The following KDM4C variants were observed in gnomAD, a reference collection of about 807,000 sequenced individuals.
The protein encoded by KDM4C is lysine demethylase 4C, also known as lysine-specific demethylase 4C.
KDM4C carries 81 observed loss-of-function variants against 129.3 expected under a neutral mutation model. The observed-to-expected ratio is 0.63, with a 90% CI of 0.52 to 0.75. KDM4C has a LOEUF of 0.75. Ranked by LOEUF, KDM4C falls within the 30% of genes least tolerant of loss-of-function variation. The probability of loss-of-function intolerance (pLI) is 0.00; values close to 1 mark genes in which losing one functional copy is unlikely to be tolerated. For missense variants in KDM4C, 1,457 were observed against 1,304.0 expected (o/e 1.12, Z -1.81); for synonymous variants, 573 against 456.1 (o/e 1.26, Z -3.26).
chr9:6,822,677 T>C (rs1409558040), intron 4 of KDM4C, among the ~76,000 whole-genome samples: 1 of 152,236 alleles, frequency 6.6e-6, no homozygotes, highest in African/African-American at 2.4e-5. Flanking sequence ...ATTAAAATAC[T>C]CAGCCTTCTG....
intron 18 of KDM4C, among the ~76,000 whole-genome samples, chr9:7,125,120 C>A (rs959977304): frequency 2.0e-5 from 3 of 152,124 alleles, no homozygotes; most frequent in African/African-American, 4.8e-5. Context: ...TCTCCCCCAC[C>A]CCCAGTGCCC....
intron 17 of KDM4C, among the ~76,000 whole-genome samples, chr9:7,058,744 A>G (rs1057144553): frequency 1.3e-5 from 2 of 152,242 alleles, no homozygotes; most frequent in African/African-American, 4.8e-5. Context: ...GTGTGATACG[A>G]TAGGAAATAC....
chr9:6,815,780 C>G (rs1831972803), intron 4 of KDM4C, among the ~76,000 whole-genome samples: 1 of 152,158 alleles, frequency 6.6e-6, no homozygotes, highest in Non-Finnish European at 1.5e-5. Flanking sequence ...GGGGAAAAAT[C>G]TGACATCTGA....
At chr9:6,844,968 G>T (rs10975849) in intron 4 of KDM4C, among the ~76,000 whole-genome samples, 1 of 152,274 alleles carries the variant, frequency 6.6e-6, no homozygotes, top group African/African-American at 2.4e-5. Flanking sequence ...GATTACAGGC[G>T]TGTGCCACTG....
At chr9:6,969,053 G>T (rs914417521) in intron 8 of KDM4C, among the ~76,000 whole-genome samples, 9 of 151,770 alleles carry the variant, frequency 5.9e-5, no homozygotes, top group Non-Finnish European at 1.3e-4. Context: ...CTTGTGCCTC[G>T]GCTTTCTGAG....
At chr9:6,922,113 C>A (rs1023149877) in intron 8 of KDM4C, among the ~76,000 whole-genome samples, 1 of 152,208 alleles carries the variant, frequency 6.6e-6, no homozygotes, top group Non-Finnish European at 1.5e-5. Context: ...CAAATATTTG[C>A]TGCATGAATG....
chr9:7,102,225 G>C (rs1384528420), intron 17 of KDM4C, among the ~76,000 whole-genome samples: 1 of 151,414 alleles, frequency 6.6e-6, no homozygotes, highest in East Asian at 1.9e-4. Flanking sequence ...TAATGTATAG[G>C]GTCCTTATGG....
chr9:6,992,193 T>C (rs1361539468), intron 12 of KDM4C, among the ~76,000 whole-genome samples: 2 of 152,222 alleles, frequency 1.3e-5, no homozygotes, highest in Non-Finnish European at 2.9e-5. Flanking sequence ...GAATAGGCTA[T>C]GCTAAGGCTG....
chr9:7,170,067 C>G (rs767642778), intron 21 of KDM4C, 177 bp downstream of exon 21: 17 of 1,503,364 alleles, frequency 1.1e-5, no homozygotes, highest in Non-Finnish European at 1.5e-5. Context: ...CAACCAAAAT[C>G]GGGGAAATTA....
At chr9:6,781,344 C>A (rs942803577) in intron 1 of KDM4C, among the ~76,000 whole-genome samples, 37 of 152,002 alleles carry the variant, frequency 2.4e-4, no homozygotes, top group African/African-American at 8.7e-4. Context: ...CTGGTCAGAA[C>A]ATTTTCATCA....
At chr9:6,951,404 C>T (rs555111824) in intron 8 of KDM4C, among the ~76,000 whole-genome samples, 9 of 152,276 alleles carry the variant, frequency 5.9e-5, no homozygotes, top group African/African-American at 2.2e-4. Context: ...TTCTTCTAGT[C>T]ATGATCTGAT....
At position 6,986,531 on chromosome 9, in the gene KDM4C, C is replaced by T; in HGVS notation, c.1542C>T (p.Cys514=). 1 of 1,614,046 alleles carries T rather than the reference C, an allele frequency of 6.2e-7. No homozygotes were observed. The highest frequency in any genetic ancestry group is 2.2e-5 in the East Asian group (1 of 44,876). Reference sequence around the variant, plus strand: ...CATGGCCAAAGTCACCTGAGTCATGCTCATCAGTGGCAGAGAGTAATGGTG... The same window carrying T: ...CATGGCCAAAGTCACCTGAGTCATGTTCATCAGTGGCAGAGAGTAATGGTG... ...ELSWPKSPES[C]SSVAESNGVL... The change falls in exon 11 of 22, where the codon TGC becomes TGT. Residue 514 remains cysteine (C), a synonymous_variant. Coordinates refer to ENST00000381309, the MANE Select transcript of KDM4C (RefSeq NM_015061.6).
At chr9:6,796,226 C>A (rs933880459) in intron 2 of KDM4C, among the ~76,000 whole-genome samples, 2 of 152,144 alleles carry the variant, frequency 1.3e-5, no homozygotes, top group Non-Finnish European at 2.9e-5. Flanking sequence ...GGGTGGATCA[C>A]TTGAGGTCAG....
upstream of KDM4C, among the ~76,000 whole-genome samples, chr9:6,756,001 A>G (rs945624002): frequency 1.9e-4 from 29 of 152,248 alleles, no homozygotes; most frequent in African/African-American, 7.0e-4. Context: ...GGTTAAAAAA[A>G]AGTCATACTC....
chr9:7,139,686 T>C lies in KDM4C; in HGVS notation c.2781+11450T>C, dbSNP rs73639821. Reference sequence around the variant, plus strand: ...TTTGAAATAATTTATGTATCGCATATGAATTTAATATTTTCCTTACAGTTT... The same window carrying C: ...TTTGAAATAATTTATGTATCGCATACGAATTTAATATTTTCCTTACAGTTT... On this transcript the variant is annotated intron_variant, in intron 19 of 21. Coordinates refer to ENST00000381309, the MANE Select transcript of KDM4C (RefSeq NM_015061.6). 6.5e-3 allele frequency among the ~76,000 whole-genome samples: 984 copies of C among 152,344 alleles called. 8 individuals carry two copies. The highest frequency in any genetic ancestry group is 0.022 in the African/African-American group (928 of 41,576).
intron 5 of KDM4C, among the ~76,000 whole-genome samples, chr9:6,861,991 T>G (rs1201846128): frequency 6.6e-6 from 1 of 152,062 alleles, no homozygotes; most frequent in Non-Finnish European, 1.5e-5. Context: ...AGGCTGGTCT[T>G]GAACTCCTGA....
At chr9:6,913,171 A>T (rs533586765) in intron 8 of KDM4C, among the ~76,000 whole-genome samples, 19 of 152,324 alleles carry the variant, frequency 1.2e-4, no homozygotes, top group Admixed American at 3.3e-4. Context: ...ATTCTGGGAT[A>T]AGGAATTGTC....
intron 5 of KDM4C, among the ~76,000 whole-genome samples, chr9:6,860,182 G>A (rs1267398093): frequency 1.3e-5 from 2 of 152,100 alleles, no homozygotes; most frequent in Non-Finnish European, 2.9e-5. Flanking sequence ...TGTGATAATT[G>A]ACAGGTGATG....
intron 5 of KDM4C, among the ~76,000 whole-genome samples, chr9:6,851,885 A>G (rs550083208): frequency 6.6e-6 from 1 of 152,230 alleles, no homozygotes; most frequent in Non-Finnish European, 1.5e-5. Flanking sequence ...TTTTCAAAGT[A>G]TTTCTTTCTT....
Sources: allele counts gnomAD v4.1 joint callset (sites outside exome capture counted in the v4.1 genomes callset), GRCh38; gene constraint gnomAD v4.1.1; transcripts MANE v1.5; gene names NCBI Gene and HGNC (gene_info 2026-07-23, HGNC 2026-07-21).